The following CPNE8 variants were observed in gnomAD, a reference collection of about 807,000 sequenced individuals.
The protein encoded by CPNE8 is copine 8, also known as copine-8.
CPNE8 carries 45 observed loss-of-function variants against 81.5 expected under a neutral mutation model. That is an observed-to-expected ratio of 0.55 (90% CI 0.44 to 0.71). The LOEUF is 0.71. CPNE8 is among the 30% of genes least tolerant of loss of function. The pLI, the probability that CPNE8 is intolerant of heterozygous loss-of-function variation, is 0.00. For missense variants in CPNE8, 594 were observed against 672.1 expected (o/e 0.88, Z 1.28); for synonymous variants, 252 against 226.3 (o/e 1.11, Z -1.02).
chr12:38,900,729 A>G (rs1279513656), intron 1 of CPNE8, among the ~76,000 whole-genome samples: 1 of 152,130 alleles, frequency 6.6e-6, no homozygotes, highest in Non-Finnish European at 1.5e-5. Context: ...TTTTAGCCGT[A>G]TTTCTCGGGC....
intron 1 of CPNE8, among the ~76,000 whole-genome samples, chr12:38,880,004 A>G (rs1200798966): frequency 6.6e-6 from 1 of 152,226 alleles, no homozygotes; most frequent in African/African-American, 2.4e-5. Context: ...TTCAACAGGA[A>G]TGGAAATATA....
At chr12:38,739,856 C>T (rs1941048662) in intron 10 of CPNE8, among the ~76,000 whole-genome samples, 1 of 152,060 alleles carries the variant, frequency 6.6e-6, no homozygotes, top group Non-Finnish European at 1.5e-5. Flanking sequence ...TTCATTTAGT[C>T]TCTACTATGA....
At chr12:38,680,688 T>C (rs1012137658) in intron 16 of CPNE8, among the ~76,000 whole-genome samples, 9 of 152,028 alleles carry the variant, frequency 5.9e-5, no homozygotes, top group African/African-American at 2.2e-4. Flanking sequence ...TGAAGATGAA[T>C]AGATAATCCA....
intron 6 of CPNE8, among the ~76,000 whole-genome samples, chr12:38,798,926 C>A (rs540827390): frequency 1.2e-4 from 19 of 152,048 alleles, no homozygotes; most frequent in Non-Finnish European, 2.5e-4. Flanking sequence ...AGACTTTAAA[C>A]CAACAAAGAT....
intron 1 of CPNE8, among the ~76,000 whole-genome samples, chr12:38,892,524 T>A (rs182854678): frequency 2.0e-5 from 3 of 152,314 alleles, no homozygotes; most frequent in Admixed American, 1.3e-4. Flanking sequence ...TCTTGGTGAC[T>A]GATAAGGTGA....
chr12:38,723,964 C>T (rs1940634825), intron 12 of CPNE8, 131 bp from the exon 13 acceptor site: 1 of 566,536 alleles, frequency 1.8e-6, no homozygotes, highest in Non-Finnish European at 3.1e-6. Context: ...TTATTAACAT[C>T]TGCTAGGACT....
intron 1 of CPNE8, among the ~76,000 whole-genome samples, chr12:38,883,846 T>A (rs1017765358): frequency 1.3e-5 from 2 of 152,196 alleles, no homozygotes; most frequent in Admixed American, 6.5e-5. Context: ...GATGTGACAA[T>A]ATTCTGTTGA....
At chr12:38,854,016 T>C (rs918740181) in intron 3 of CPNE8, among the ~76,000 whole-genome samples, 1 of 152,086 alleles carries the variant, frequency 6.6e-6, no homozygotes, top group African/African-American at 2.4e-5. Flanking sequence ...AATTATTATG[T>C]TATAATTAAA....
At chr12:38,746,800 T>C (rs920919717) in intron 10 of CPNE8, among the ~76,000 whole-genome samples, 1 of 152,206 alleles carries the variant, frequency 6.6e-6, no homozygotes, top group African/African-American at 2.4e-5. Flanking sequence ...TCCTCTTTGT[T>C]ACTGCTCAAT....
rs541605613 is a variant in CPNE8 at position 38,854,315 on chromosome 12, T to C, written c.187-5653A>G. ...GCCCTCTTCTTATAAGAGGAAGACA[T>C]ATAGCTCTGTTATATAACTCATTAT... On this transcript the variant is annotated intron_variant, in intron 3 of 19. Transcript: ENST00000331366. Among the ~76,000 whole-genome samples, 8 of 151,890 alleles carry C rather than the reference T, an allele frequency of 5.3e-5. No homozygotes were observed. The East Asian group carries it at 1.4e-3, about 26-fold the overall frequency.
chr12:38,728,905 A>C (rs1323495576), intron 11 of CPNE8, among the ~76,000 whole-genome samples: 1 of 152,126 alleles, frequency 6.6e-6, no homozygotes, highest in East Asian at 1.9e-4. Context: ...ATAAGAAAAC[A>C]TTTATATTTG....
intron 13 of CPNE8, chr12:38,721,031 G>A (rs978582295): frequency 6.5e-6 from 1 of 152,808 alleles, no homozygotes; most frequent in Non-Finnish European, 1.5e-5. Context: ...TACTCCCACT[G>A]CCTGGCTTCT....
intron 6 of CPNE8, among the ~76,000 whole-genome samples, chr12:38,792,876 T>A (rs985184677): frequency 2.7e-4 from 41 of 151,822 alleles, no homozygotes; most frequent in Non-Finnish European, 2.9e-5. Flanking sequence ...ACTAAAAGAA[T>A]TATACACCAT....
intron 14 of CPNE8, among the ~76,000 whole-genome samples, chr12:38,695,621 T>A (rs996909037): frequency 6.6e-6 from 1 of 152,166 alleles, no homozygotes; most frequent in Non-Finnish European, 1.5e-5. Context: ...CCCAGTGGAA[T>A]CAGAGATTTA....
intron 6 of CPNE8, among the ~76,000 whole-genome samples, chr12:38,815,596 T>TCA (rs1432394281): frequency 6.6e-6 from 1 of 152,196 alleles, no homozygotes; most frequent in African/African-American, 2.4e-5. Flanking sequence ...AAATTCGCTG[T>TCA]CACACATGAA....
chr12:38,733,382 AG>A (rs1940881821), intron 10 of CPNE8, among the ~76,000 whole-genome samples: 1 of 151,970 alleles, frequency 6.6e-6, no homozygotes, highest in Non-Finnish European at 1.5e-5. Context: ...TAAGATTAAA[AG>A]AAAAAATATA....
At chr12:38,765,382 A>G (rs1941666164) in intron 8 of CPNE8, among the ~76,000 whole-genome samples, 1 of 152,212 alleles carries the variant, frequency 6.6e-6, no homozygotes, top group Non-Finnish European at 1.5e-5. Context: ...AAGGAAAATT[A>G]TTACCCAATC....
chr12:38,734,212 C>G (rs1236935604), intron 10 of CPNE8, among the ~76,000 whole-genome samples: 1 of 151,964 alleles, frequency 6.6e-6, no homozygotes, highest in Admixed American at 6.6e-5. Flanking sequence ...ATGGGCACAG[C>G]TGAATTTTGC....
At chr12:38,769,882 T>G (rs1941765902) in intron 7 of CPNE8, among the ~76,000 whole-genome samples, 1 of 152,176 alleles carries the variant, frequency 6.6e-6, no homozygotes, top group African/African-American at 2.4e-5. Flanking sequence ...TTTATTTCAA[T>G]GAAGAAAATT....
Sources: allele counts gnomAD v4.1 joint callset (sites outside exome capture counted in the v4.1 genomes callset), GRCh38; gene constraint gnomAD v4.1.1; transcripts MANE v1.5; gene names NCBI Gene and HGNC (gene_info 2026-07-23, HGNC 2026-07-21).